Variants in SEL1L3 observed in about 807,000 individuals in gnomAD.
The protein encoded by SEL1L3 is SEL1L family member 3.
A neutral mutation model predicts 142.8 loss-of-function variants in SEL1L3; 76 were observed. That is an observed-to-expected ratio of 0.53 (90% CI 0.44 to 0.64). SEL1L3 has a LOEUF of 0.64. Ranked by LOEUF, SEL1L3 falls within the 30% of genes least tolerant of loss-of-function variation. The pLI is 0.00. For missense variants in SEL1L3, 1,262 were observed against 1,381.7 expected, an observed-to-expected ratio of 0.91 and a Z score of 1.37; for synonymous variants, 504 against 519.6, an observed-to-expected ratio of 0.97 and a Z score of 0.41.
rs549997910 is a variant in SEL1L3, at chr4:25,756,813, C to G, written c.3259+721G>C. Reference sequence around the variant, plus strand: ...TATTCATTACGAGTGTTTGTTTATCCTCTTACACATCTGATTGCTTGACTG... The same window carrying G: ...TATTCATTACGAGTGTTTGTTTATCGTCTTACACATCTGATTGCTTGACTG... On this transcript the variant is annotated intron_variant, in intron 23 of 23. Transcript: ENST00000399878. 17 of 1,265,076 alleles carry G rather than the reference C, an allele frequency of 1.3e-5. No individual in the cohort carries two copies. In the South Asian group the frequency reaches 1.8e-4, roughly 14 times the overall value. The allele number at this position is 1,265,076 out of a possible 1,614,324, so 78.4% of individuals were successfully genotyped here.
the SEL1L3 span, among the ~76,000 whole-genome samples, chr4:25,716,249 A>G: frequency 6.6e-6 from 1 of 152,174 alleles, no homozygotes; most frequent in Non-Finnish European, 1.5e-5. Flanking sequence ...GTAAATGGCC[A>G]ATTAACATAA....
chr4:25,766,460 T>C (rs887005820), intron 19 of SEL1L3, among the ~76,000 whole-genome samples: 1 of 132,162 alleles, frequency 7.6e-6, no homozygotes, highest in Non-Finnish European at 1.6e-5. Flanking sequence ...AAAAAAAGGG[T>C]GTATGTATTA....
chr4:25,814,174 A>G, intron 9 of SEL1L3, among the ~76,000 whole-genome samples: 1 of 138,916 alleles, frequency 7.2e-6, no homozygotes, highest in East Asian at 2.0e-4. Context: ...TATTTGTTAA[A>G]AATTCCAGAA....
chr4:25,794,670 C>T (rs1028702312), intron 11 of SEL1L3, among the ~76,000 whole-genome samples: 3 of 152,094 alleles, frequency 2.0e-5, no homozygotes, highest in African/African-American at 7.2e-5. Flanking sequence ...TCCCCAAAGA[C>T]CTAGAACCAG....
intron 1 of SEL1L3, among the ~76,000 whole-genome samples, chr4:25,850,383 A>G (rs536639647): frequency 9.8e-5 from 15 of 152,374 alleles, no homozygotes; most frequent in African/African-American, 3.4e-4. Flanking sequence ...CTGAAACTGC[A>G]CTGAGATACC....
At chr4:25,856,607 A>C (rs917489423) in intron 1 of SEL1L3, among the ~76,000 whole-genome samples, 14 of 151,494 alleles carry the variant, frequency 9.2e-5, no homozygotes, top group East Asian at 7.7e-4. Context: ...AAAAAAAAAA[A>C]AAAAAACAAA....
chr4:25,733,975 T>C, the SEL1L3 span, among the ~76,000 whole-genome samples: 1 of 152,292 alleles, frequency 6.6e-6, no homozygotes, highest in African/African-American at 2.4e-5. Flanking sequence ...TTTTATCAGA[T>C]TGAGGAAGTC....
intron 23 of SEL1L3, chr4:25,756,961 T>G (rs1166008469): frequency 8.2e-6 from 10 of 1,225,898 alleles, no homozygotes; most frequent in Non-Finnish European, 9.4e-6. Context: ...TTTCTTAGGC[T>G]TTTTAAAGAA....
chr4:25,861,803 A>G (rs1043861606), intron 1 of SEL1L3: 2 of 152,188 alleles, frequency 1.3e-5, no homozygotes, highest in African/African-American at 4.8e-5. Context: ...CTGTAAATTT[A>G]CTATTGTTTA....
chr4:25,800,853 C>T (rs1164855998), intron 11 of SEL1L3, among the ~76,000 whole-genome samples: 1 of 152,198 alleles, frequency 6.6e-6, no homozygotes, highest in Non-Finnish European at 1.5e-5. Context: ...TCATGTTCAA[C>T]ATTTACTGAC....
chr4:25,747,333 A>T (rs182491104), downstream of SEL1L3: 1 of 152,242 alleles, frequency 6.6e-6, no homozygotes, highest in African/African-American at 2.4e-5. Flanking sequence ...CACCAGGAGG[A>T]CTTTTCTTTT....
chr4:25,799,350 C>T (rs771880894), intron 11 of SEL1L3, among the ~76,000 whole-genome samples: 8 of 152,156 alleles, frequency 5.3e-5, no homozygotes, highest in Non-Finnish European at 1.0e-4. Context: ...GCTGGTATTA[C>T]CGGGGTGACC....
At chr4:25,779,886 G>A (rs1472714788) in intron 15 of SEL1L3, among the ~76,000 whole-genome samples, 4 of 152,030 alleles carry the variant, frequency 2.6e-5, no homozygotes, top group Non-Finnish European at 5.9e-5. Flanking sequence ...TGTGGACTTG[G>A]GCATGTTGGT....
chr4:25,747,116 C>T (rs1717295306), downstream of SEL1L3, among the ~76,000 whole-genome samples: 1 of 152,136 alleles, frequency 6.6e-6, no homozygotes, highest in Non-Finnish European at 1.5e-5. Context: ...ACAAGAGCAA[C>T]ACTCATAGGA....
intron 10 of SEL1L3, among the ~76,000 whole-genome samples, chr4:25,803,071 GT>G (rs934184486): frequency 6.6e-6 from 1 of 152,188 alleles, no homozygotes; most frequent in African/African-American, 2.4e-5. Flanking sequence ...CCCCTGTTCT[GT>G]TTCAGTGACA....
the SEL1L3 span, among the ~76,000 whole-genome samples, chr4:25,722,583 C>T: frequency 2.7e-5 from 4 of 150,078 alleles, no homozygotes; most frequent in South Asian, 2.1e-4. Context: ...GACACCATTT[C>T]GATCATAAGA....
At chr4:25,754,277 G>C (rs1009080416) in intron 23 of SEL1L3, among the ~76,000 whole-genome samples, 3 of 151,206 alleles carry the variant, frequency 2.0e-5, no homozygotes, top group African/African-American at 7.3e-5. Context: ...ACTCCAGCCT[G>C]GGCAACAAGA....
intron 1 of SEL1L3, chr4:25,861,850 G>T (rs1717730426): frequency 6.6e-6 from 1 of 152,066 alleles, no homozygotes; most frequent in Non-Finnish European, 1.5e-5. Flanking sequence ...GCCCTCAAAG[G>T]AACTGAGAAA....
intron 5 of SEL1L3, among the ~76,000 whole-genome samples, chr4:25,830,609 C>T (rs1332871935): frequency 6.6e-6 from 1 of 152,132 alleles, no homozygotes; most frequent in African/African-American, 2.4e-5. Flanking sequence ...CACTGGGAAT[C>T]ATCATTCTCA....
Sources: allele counts gnomAD v4.1 joint callset (sites outside exome capture counted in the v4.1 genomes callset), GRCh38; gene constraint gnomAD v4.1.1; transcripts MANE v1.5; gene names NCBI Gene and HGNC (gene_info 2026-07-23, HGNC 2026-07-21).